The following SUMF1 variants were observed in gnomAD, a reference collection of about 807,000 sequenced individuals.
SUMF1 encodes the protein sulfatase modifying factor 1, also known as formylglycine-generating enzyme.
Under a neutral mutation model 47.6 loss-of-function variants are expected in SUMF1, and 48 were observed. The observed-to-expected ratio is 1.01, with a 90% CI of 0.80 to 1.28. The LOEUF (loss-of-function observed/expected upper bound fraction) is 1.28. Among genes scored for constraint, SUMF1 ranks in the 50% most tolerant of loss-of-function variants. The probability of loss-of-function intolerance (pLI) is 0.00; values close to 1 mark genes in which losing one functional copy is unlikely to be tolerated. For missense variants in SUMF1, 571 were observed against 485.4 expected (o/e 1.18, Z -1.66); for synonymous variants, 230 against 192.1 (o/e 1.20, Z -1.63).
intron 8 of SUMF1, among the ~76,000 whole-genome samples, chr3:4,245,320 T>C (rs1435193994): frequency 6.6e-6 from 1 of 152,174 alleles, no homozygotes; most frequent in Non-Finnish European, 1.5e-5. Flanking sequence ...AGAGGCTTTC[T>C]GGTTTTTGAA....
intron 7 of SUMF1, among the ~76,000 whole-genome samples, chr3:4,383,357 C>T (rs138709079): frequency 4.0e-5 from 6 of 151,802 alleles, no homozygotes; most frequent in East Asian, 1.9e-4. Flanking sequence ...CCAGCCTGGG[C>T]GACAGAGCAA....
chr3:4,316,046 CAAAAAAA>C (rs774059331), intron 8 of SUMF1, among the ~76,000 whole-genome samples: 14 of 76,886 alleles, frequency 1.8e-4, no homozygotes, highest in Admixed American at 2.9e-4. Context: ...GACTCTGTCT[CAAAAAAA>C]AAAAAAAAAA....
At chr3:4,089,511 ATTCT>A (rs1249532247) in intron 8 of SUMF1, among the ~76,000 whole-genome samples, 3 of 152,152 alleles carry the variant, frequency 2.0e-5, no homozygotes, top group African/African-American at 4.8e-5. Context: ...GTGAGCTCTT[ATTCT>A]TTGTCTATTT....
At chr3:4,415,787 T>TGTGTGACA (rs1391513575) in intron 6 of SUMF1, among the ~76,000 whole-genome samples, 1 of 152,170 alleles carries the variant, frequency 6.6e-6, no homozygotes, top group East Asian at 1.9e-4. Flanking sequence ...CACTACAGCC[T>TGTGTGACA]GAGTGACAGA....
intron 8 of SUMF1, among the ~76,000 whole-genome samples, chr3:4,281,842 C>A (rs192624337): frequency 3.3e-5 from 5 of 152,118 alleles, no homozygotes; most frequent in Non-Finnish European, 4.4e-5. Context: ...AAATGAGACT[C>A]CTTAACACAT....
intron 7 of SUMF1, among the ~76,000 whole-genome samples, chr3:4,393,367 G>C (rs809918): frequency 0.32 from 49,375 of 151,924 alleles, 8,458 homozygotes; most frequent in African/African-American, 0.36. Flanking sequence ...GGGTCTCCCT[G>C]TGTCACCCAG....
At chr3:4,167,224 G>A (rs1323403623) in intron 8 of SUMF1, among the ~76,000 whole-genome samples, 6 of 152,096 alleles carry the variant, frequency 3.9e-5, no homozygotes, top group South Asian at 2.1e-4. Flanking sequence ...TGTGAAGAGC[G>A]AAAGAACAAA....
intron 8 of SUMF1, among the ~76,000 whole-genome samples, chr3:4,180,202 C>A (rs941303689): frequency 6.6e-6 from 1 of 152,094 alleles, no homozygotes; most frequent in Admixed American, 6.6e-5. Context: ...GGGTACATAC[C>A]CAAAGGATTA....
intron 7 of SUMF1, among the ~76,000 whole-genome samples, chr3:4,395,640 T>G (rs1701016227): frequency 6.6e-6 from 1 of 152,200 alleles, no homozygotes; most frequent in South Asian, 2.1e-4. Flanking sequence ...GATTACCATT[T>G]TAGTGAAATG....
downstream of SUMF1, among the ~76,000 whole-genome samples, chr3:4,359,842 C>T (rs1699703301): frequency 1.3e-5 from 2 of 152,242 alleles, no homozygotes; most frequent in South Asian, 4.2e-4. Context: ...CAAACCATCT[C>T]AGTTGCCCAG....
chr3:4,407,811 T>C (rs374759930), intron 7 of SUMF1, among the ~76,000 whole-genome samples: 116 of 152,266 alleles, frequency 7.6e-4, no homozygotes, highest in Middle Eastern at 3.4e-3. Context: ...GAACTTTCAA[T>C]AGACTCATGG....
chr3:4,163,242 C>T (rs530633772), intron 8 of SUMF1, among the ~76,000 whole-genome samples: 2 of 151,384 alleles, frequency 1.3e-5, no homozygotes, highest in East Asian at 2.0e-4. Context: ...GAAACAAAAA[C>T]ACTCCAACAA....
chr3:4,081,682 T>A (rs1692563460), intron 8 of SUMF1, among the ~76,000 whole-genome samples: 1 of 152,136 alleles, frequency 6.6e-6, no homozygotes, highest in Non-Finnish European at 1.5e-5. Context: ...CAATAACACC[T>A]CTGTCATAGG....
chr3:4,062,249 T>C (rs568192354), intron 9 of SUMF1, among the ~76,000 whole-genome samples: 3 of 152,262 alleles, frequency 2.0e-5, no homozygotes, highest in Non-Finnish European at 4.4e-5. Flanking sequence ...ATGGTCAAAC[T>C]GGGCATCAAA....
At chr3:4,071,118 G>A (rs745660547) in intron 8 of SUMF1, among the ~76,000 whole-genome samples, 34 of 152,050 alleles carry the variant, frequency 2.2e-4, no homozygotes, top group Admixed American at 9.8e-4. Flanking sequence ...AGTAATTTTG[G>A]TGATTCTACA....
chr3:4,322,941 C>T (rs1051973101), intron 8 of SUMF1, among the ~76,000 whole-genome samples: 1 of 152,146 alleles, frequency 6.6e-6, no homozygotes, highest in African/African-American at 2.4e-5. Flanking sequence ...CACAAATGTT[C>T]ATATAGCATT....
At chr3:4,435,782 T>C (rs979431509) in intron 3 of SUMF1, among the ~76,000 whole-genome samples, 2 of 152,112 alleles carry the variant, frequency 1.3e-5, no homozygotes, top group Non-Finnish European at 2.9e-5. Context: ...AAAATTCCCT[T>C]CAGGAATGAA....
chr3:4,070,118 C>A (rs952212062), intron 8 of SUMF1, among the ~76,000 whole-genome samples: 1 of 152,120 alleles, frequency 6.6e-6, no homozygotes, highest in Non-Finnish European at 1.5e-5. Flanking sequence ...GAATTATGAC[C>A]CAGAAAATGT....
intron 8 of SUMF1, among the ~76,000 whole-genome samples, chr3:4,164,417 C>T (rs931011240): frequency 3.9e-5 from 6 of 152,178 alleles, no homozygotes; most frequent in Non-Finnish European, 8.8e-5. Flanking sequence ...TTGGATCATC[C>T]GGTTGGGGGC....
Sources: allele counts gnomAD v4.1 joint callset (sites outside exome capture counted in the v4.1 genomes callset), GRCh38; gene constraint gnomAD v4.1.1; transcripts MANE v1.5; gene names NCBI Gene and HGNC (gene_info 2026-07-23, HGNC 2026-07-21).